Variants in UGT1A9 observed in about 807,000 individuals in gnomAD.
UGT1A9 encodes UDP glucuronosyltransferase family 1 member A9.
A neutral mutation model predicts 45.0 loss-of-function variants in UGT1A9; 35 were observed. The observed-to-expected ratio is 0.78, with a 90% CI of 0.59 to 1.03. UGT1A9 has a LOEUF of 1.03. Ranked by LOEUF, UGT1A9 falls within the 50% of genes least tolerant of loss-of-function variation. The pLI is 0.00. For synonymous variants in UGT1A9, 278 were observed against 250.6 expected, an observed-to-expected ratio of 1.11 and a Z score of -1.03; for missense variants, 687 against 666.6, an observed-to-expected ratio of 1.03 and a Z score of -0.34.
At chr2:233,679,338 G>A (rs2074449375) in intron 1 of UGT1A9, among the ~76,000 whole-genome samples, 2 of 152,172 alleles carry the variant, frequency 1.3e-5, no homozygotes, top group South Asian at 4.1e-4. Context: ...TTATTGTTGA[G>A]TCCTTCTTTT....
intron 1 of UGT1A9, chr2:233,754,963 A>G: frequency 7.6e-7 from 1 of 1,309,276 alleles, no homozygotes; most frequent in Non-Finnish European, 1.0e-6. Flanking sequence ...CCGCCAAAGA[A>G]CTCCCTGAAG....
intron 1 of UGT1A9, among the ~76,000 whole-genome samples, chr2:233,757,948 G>A (rs1469946422): frequency 6.6e-6 from 1 of 152,076 alleles, no homozygotes; most frequent in Non-Finnish European, 1.5e-5. Flanking sequence ...TCATATTGCT[G>A]CCCTGCTGTG....
Position 233,750,543 on chromosome 2 carries a change from C to T in UGT1A9, c.856-16491C>T, listed in dbSNP as rs1193971718. On this transcript the variant is annotated intron_variant, in intron 1 of 4. Transcript: ENST00000354728. ...CAATGGGGAAAATGGCTTCAGTGCACATCAGAGACCTTTGCAGCAGACCCT... is the reference window on the plus strand; with the variant it reads ...CAATGGGGAAAATGGCTTCAGTGCATATCAGAGACCTTTGCAGCAGACCCT... 4 of 151,966 alleles carry T rather than the reference C, an allele frequency of 2.6e-5. 1 individual carries two copies. The highest frequency in any genetic ancestry group is 9.7e-5 in the African/African-American group (4 of 41,180). The allele number at this position is 151,966 out of a possible 1,614,324, so 9.4% of individuals were successfully genotyped here. A position where few individuals can be genotyped will look rare whatever the true frequency, so the allele number is the denominator to read the frequency against.
intron 4 of UGT1A9, 29 bp downstream of exon 4, chr2:233,768,468 T>C: frequency 6.2e-7 from 1 of 1,604,616 alleles, no homozygotes; most frequent in Non-Finnish European, 8.5e-7. Context: ...AAGAATACTT[T>C]GGTCATGGCA....
At chr2:233,717,025 C>A (rs947654247) in intron 1 of UGT1A9, among the ~76,000 whole-genome samples, 5 of 152,200 alleles carry the variant, frequency 3.3e-5, no homozygotes, top group Non-Finnish European at 4.4e-5. Flanking sequence ...GCACCACCAT[C>A]TTCCAAGATA....
intron 1 of UGT1A9, chr2:233,713,965 A>G (rs1306129975): frequency 1.2e-6 from 2 of 1,604,828 alleles, no homozygotes; most frequent in Non-Finnish European, 1.7e-6. Context: ...CAAAGATTTC[A>G]TTTCTGCTTC....
chr2:233,681,938 A>T (rs1005355336), intron 1 of UGT1A9: 1 of 1,611,860 alleles, frequency 6.2e-7, no homozygotes, highest in Admixed American at 1.7e-5. Flanking sequence ...AAGTTCTCTG[A>T]TGGCTCGTGC....
chr2:233,743,918 C>T, intron 1 of UGT1A9: 1 of 1,363,786 alleles, frequency 7.3e-7, no homozygotes, highest in East Asian at 4.6e-5. Context: ...GTCCACCATG[C>T]TGGATGGCCA....
At chr2:233,711,354 C>A (rs1387342793) in intron 1 of UGT1A9, among the ~76,000 whole-genome samples, 3 of 152,220 alleles carry the variant, frequency 2.0e-5, no homozygotes, top group Non-Finnish European at 4.4e-5. Flanking sequence ...AACAGGGGAG[C>A]CCCCTGAATG....
At chr2:233,713,228 G>T (rs200357281) in intron 1 of UGT1A9, 1 of 1,614,210 alleles carries the variant, frequency 6.2e-7, no homozygotes, top group Admixed American at 1.7e-5. Context: ...CCCTGACAAC[G>T]TATGCCATTT....
chr2:233,769,820 A>C lies in UGT1A9; in HGVS notation c.1295+1381A>C, dbSNP rs1699945956. 1.3e-5 allele frequency: 11 copies of C among 843,066 alleles called. No individual in the cohort carries two copies. The highest frequency in any genetic ancestry group is 1.5e-5 in the Non-Finnish European group (9 of 599,386). The allele number at this position is 843,066 out of a possible 1,614,324, so 52.2% of individuals were successfully genotyped here. On this transcript the variant is annotated intron_variant, in intron 4 of 4. Transcript: ENST00000354728. The surrounding 1 kb of genome is among the most constrained non-coding windows in gnomAD (Gnocchi z 4.4). ...CTATGAGCCGTGATCATGCCACTGCACTCCAGCAACCTGGGCAACAGAGTG... is the reference window on the plus strand; with the variant it reads ...CTATGAGCCGTGATCATGCCACTGCCCTCCAGCAACCTGGGCAACAGAGTG...
rs2077836996 is a variant in UGT1A9 at position 233,729,318 on chromosome 2, G to C, written c.856-37716G>C. The stretch of plus-strand genomic sequence containing the variant: ...ACCAGGCAGTGGTCCTCACCCCAGA[G>C]GTGAATATGCACATCAAAGAAGAGA... On this transcript the variant is annotated intron_variant, in intron 1 of 4. Transcript: ENST00000354728. 5 of 1,614,128 alleles carry C rather than the reference G, an allele frequency of 3.1e-6. No homozygotes were observed. In the Middle Eastern group the frequency reaches 6.6e-4, roughly 212 times the overall value.
chr2:233,708,356 T>TA (rs1456398377), intron 1 of UGT1A9: 1 of 152,248 alleles, frequency 6.6e-6, no homozygotes, highest in Non-Finnish European at 1.5e-5. Context: ...TTTCCCTTAT[T>TA]AATTCTTCAT....
rs1254411333 is a variant in UGT1A9 at position 233,772,451 on chromosome 2, C to T, written c.1485C>T (p.Val495=). ...SLDVIGFLLA[V]VLTVAFITFK... The stretch of plus-strand genomic sequence containing the variant: ...ACGTGATTGGTTTCCTCTTGGCCGT[C>T]GTGCTGACAGTGGCCTTCATCACCT... The change falls in exon 5 of 5, where the codon GTC becomes GTT. Residue 495 remains valine (V), a synonymous_variant. Transcript: ENST00000354728. 9 of 1,614,028 alleles carry T rather than the reference C, an allele frequency of 5.6e-6. No homozygotes were observed. The highest frequency in any genetic ancestry group is 1.1e-5 in the South Asian group (1 of 91,086).
At chr2:233,700,152 G>T (rs1277550214) in intron 1 of UGT1A9, among the ~76,000 whole-genome samples, 1 of 152,160 alleles carries the variant, frequency 6.6e-6, no homozygotes, top group African/African-American at 2.4e-5. Context: ...CCCTATAGGG[G>T]TCTTTACAAG....
intron 1 of UGT1A9, chr2:233,747,614 T>A (rs1693730257): frequency 3.8e-6 from 6 of 1,574,498 alleles, no homozygotes; most frequent in Non-Finnish European, 1.7e-6. Flanking sequence ...TACTGCATAA[T>A]GAGGCCCTGA....
intron 1 of UGT1A9, chr2:233,743,896 C>A: frequency 3.7e-6 from 5 of 1,366,934 alleles, no homozygotes; most frequent in Non-Finnish European, 4.9e-6. Flanking sequence ...GCACGTCCAG[C>A]ACCTCGTAGT....
intron 1 of UGT1A9, among the ~76,000 whole-genome samples, chr2:233,752,134 G>C (rs1265707864): frequency 6.6e-6 from 1 of 152,180 alleles, no homozygotes; most frequent in Non-Finnish European, 1.5e-5. Context: ...GGACAGAAAG[G>C]ATCATTCCCT....
At chr2:233,694,261 A>T (rs911219810) in intron 1 of UGT1A9, among the ~76,000 whole-genome samples, 1 of 151,758 alleles carries the variant, frequency 6.6e-6, no homozygotes, top group South Asian at 2.1e-4. Flanking sequence ...GGGACCAGCG[A>T]ACTACAGCCT....
Sources: allele counts gnomAD v4.1 joint callset (sites outside exome capture counted in the v4.1 genomes callset), GRCh38; gene constraint gnomAD v4.1.1; non-coding constraint Gnocchi (gnomAD v3.1); transcripts MANE v1.5; gene names NCBI Gene and HGNC (gene_info 2026-07-23, HGNC 2026-07-21).